The following FOXP1 variants were observed in gnomAD, a reference collection of about 807,000 sequenced individuals.
FOXP1 encodes the protein forkhead box protein P1.
A neutral mutation model predicts 98.2 loss-of-function variants in FOXP1; 15 were observed. That is an observed-to-expected ratio of 0.15 (90% CI 0.10 to 0.24). The LOEUF is 0.24. Ranked by LOEUF, FOXP1 falls within the 10% of genes least tolerant of loss-of-function variation. FOXP1 has a pLI of 1.00. For synonymous variants in FOXP1, 371 were observed against 314.5 expected, an observed-to-expected ratio of 1.18 and a Z score of -1.90; for missense variants, 633 against 848.5, an observed-to-expected ratio of 0.75 and a Z score of 3.15.
chr3:71,497,941 C>T (rs2091528189), intron 2 of FOXP1, among the ~76,000 whole-genome samples: 1 of 152,184 alleles, frequency 6.6e-6, no homozygotes, highest in African/African-American at 2.4e-5. Context: ...GTGCCATATT[C>T]AATCTGTTTT....
At chr3:71,053,545 G>C in intron 8 of FOXP1, 91 bp downstream of exon 8, 1 of 1,505,094 alleles carries the variant, frequency 6.6e-7, no homozygotes, top group East Asian at 2.3e-5. Context: ...GAGCAAAGGA[G>C]CTGCTCTGGT....
At position 71,167,411 on chromosome 3, in the gene FOXP1, C is replaced by A. The variant is rs558825503; in HGVS notation, c.180+30791G>T. On this transcript the variant is annotated intron_variant, in intron 6 of 20. Transcript: ENST00000649528. ...CATTGCAGGCAAAATCCTTTAATAACAGGGCAGTATTTAAAGCGTAAGAGA... is the reference window on the plus strand; with the variant it reads ...CATTGCAGGCAAAATCCTTTAATAAAAGGGCAGTATTTAAAGCGTAAGAGA... Among the ~76,000 whole-genome samples, 3 of 152,246 alleles carry A rather than the reference C, an allele frequency of 2.0e-5. No homozygotes were observed. In the East Asian group the frequency reaches 5.8e-4, roughly 29 times the overall value.
chr3:71,476,915 T>C (rs1312338608), intron 3 of FOXP1, among the ~76,000 whole-genome samples: 1 of 152,184 alleles, frequency 6.6e-6, no homozygotes, highest in Non-Finnish European at 1.5e-5. Flanking sequence ...CCAAGAACCT[T>C]AAGCTTTAAT....
intron 2 of FOXP1, among the ~76,000 whole-genome samples, chr3:71,574,924 G>C (rs2047612492): frequency 6.6e-6 from 1 of 152,144 alleles, no homozygotes; most frequent in South Asian, 2.1e-4. Context: ...TGAAAAAGGA[G>C]CTCCGTTTTC....
chr3:71,049,551 G>C (rs1289894155), intron 9 of FOXP1, among the ~76,000 whole-genome samples: 1 of 150,142 alleles, frequency 6.7e-6, no homozygotes, highest in Non-Finnish European at 1.5e-5. Context: ...GCAACTTTAG[G>C]AGGGAAGGAA....
intron 4 of FOXP1, among the ~76,000 whole-genome samples, chr3:71,327,785 G>A (rs2076005147): frequency 6.6e-6 from 1 of 152,094 alleles, no homozygotes; most frequent in Admixed American, 6.5e-5. Context: ...TATGTTTACT[G>A]ATACATTATA....
At chr3:71,582,934 C>G (rs2048304947) in intron 1 of FOXP1, 1 of 416,910 alleles carries the variant, frequency 2.4e-6, no homozygotes. Context: ...TGCTGGGGCC[C>G]GCGGGGCAGC....
At chr3:71,224,426 T>C (rs927231623) in intron 5 of FOXP1, among the ~76,000 whole-genome samples, 1 of 152,140 alleles carries the variant, frequency 6.6e-6, no homozygotes, top group Non-Finnish European at 1.5e-5. Context: ...TAGAGGGTAC[T>C]ACTGAAATGG....
intron 4 of FOXP1, among the ~76,000 whole-genome samples, chr3:71,320,081 G>A (rs1184690707): frequency 6.6e-6 from 1 of 152,114 alleles, no homozygotes; most frequent in Non-Finnish European, 1.5e-5. Flanking sequence ...TACCCACGGG[G>A]AAGACAAACT....
chr3:71,090,129 G>A (rs1187175421), intron 7 of FOXP1, among the ~76,000 whole-genome samples: 6 of 152,142 alleles, frequency 3.9e-5, no homozygotes, highest in East Asian at 3.8e-4. Context: ...TCTAGCCTGC[G>A]GGCCATCAGT....
chr3:70,958,166 G>T lies in FOXP1; in HGVS notation c.*1081C>A. 2.7e-6 allele frequency: 1 copy of T among 374,074 alleles called. No individual in the cohort carries two copies. Among genetic ancestry groups the T allele is most frequent in the Non-Finnish European group, 5.1e-6 (1 of 197,692 alleles). 23.2% of individuals were successfully genotyped at this position (374,074 alleles called of 1,614,324 possible). On this transcript the variant is annotated 3_prime_UTR_variant, in exon 21 of 21. Transcript: ENST00000649528. ...CTGCCTATGTTTCCTTGTGCTGGTA[G>T]AATGTGGTGGCATTTATTAATGGTT...
chr3:71,547,781 G>A (rs951957587), intron 2 of FOXP1, among the ~76,000 whole-genome samples: 2 of 152,196 alleles, frequency 1.3e-5, no homozygotes, highest in Non-Finnish European at 2.9e-5. Context: ...CCAGAGAGAA[G>A]AGAGGACAGC....
At chr3:70,987,969 C>T (rs2040022198) in intron 14 of FOXP1, 25 bp downstream of exon 14, 3 of 1,608,854 alleles carry the variant, frequency 1.9e-6, no homozygotes, top group Non-Finnish European at 2.6e-6. Flanking sequence ...TTGTTTTTTT[C>T]CCCTTGGTGG....
intron 6 of FOXP1, among the ~76,000 whole-genome samples, chr3:71,156,191 G>A (rs947534276): frequency 3.9e-4 from 60 of 152,246 alleles, no homozygotes; most frequent in Admixed American, 1.1e-3. Context: ...GGGGAGGGGG[G>A]GTGAAAGTTT....
chr3:71,156,882 C>G (rs1242932411), intron 6 of FOXP1, among the ~76,000 whole-genome samples: 1 of 152,216 alleles, frequency 6.6e-6, no homozygotes, highest in East Asian at 1.9e-4. Flanking sequence ...CACACCTGGG[C>G]AACCATTGGT....
chr3:71,536,037 A>T (rs1242598896), intron 2 of FOXP1, among the ~76,000 whole-genome samples: 2 of 152,280 alleles, frequency 1.3e-5, no homozygotes, highest in East Asian at 3.9e-4. Context: ...GCAGACTAAC[A>T]GTTGCCTTGA....
At chr3:71,053,236 G>C (rs551328915) in intron 8 of FOXP1, among the ~76,000 whole-genome samples, 4 of 151,956 alleles carry the variant, frequency 2.6e-5, no homozygotes. Flanking sequence ...TATGTTTAAA[G>C]AAAAAAAATC....
At chr3:71,384,427 C>G (rs1429936228) in intron 3 of FOXP1, among the ~76,000 whole-genome samples, 1 of 152,170 alleles carries the variant, frequency 6.6e-6, no homozygotes, top group African/African-American at 2.4e-5. Flanking sequence ...AGTTCTCTAA[C>G]AAAAATCCAC....
At chr3:71,081,075 T>G (rs2054361286) in intron 7 of FOXP1, among the ~76,000 whole-genome samples, 1 of 152,216 alleles carries the variant, frequency 6.6e-6, no homozygotes, top group Non-Finnish European at 1.5e-5. Flanking sequence ...AAACTAATTT[T>G]TAAAGTATAT....
Sources: gnomAD v4.1 joint callset for allele counts (sites outside exome capture counted in the v4.1 genomes callset) on GRCh38, gnomAD v4.1.1 for gene constraint, MANE v1.5 for transcripts, NCBI Gene and HGNC (gene_info 2026-07-23, HGNC 2026-07-21) for gene names.